Variants in LDB2 observed in about 807,000 individuals in gnomAD.
LDB2 encodes the protein LIM domain binding 2, also known as LIM domain-binding protein 2.
LDB2 carries 12 observed loss-of-function variants against 44.3 expected under a neutral mutation model. That is an observed-to-expected ratio of 0.27 (90% confidence interval 0.17 to 0.44). LDB2 has a LOEUF of 0.44. Among genes scored for constraint, LDB2 ranks in the 20% least tolerant of loss-of-function variants. The pLI is 1.00. For synonymous variants in LDB2, 164 were observed against 174.8 expected, an observed-to-expected ratio of 0.94 and a Z score of 0.49; for missense variants, 344 against 473.5, an observed-to-expected ratio of 0.73 and a Z score of 2.54.
At chr4:16,822,479 A>T (rs1303790691) in intron 1 of LDB2, among the ~76,000 whole-genome samples, 1 of 151,960 alleles carries the variant, frequency 6.6e-6, no homozygotes, top group Non-Finnish European at 1.5e-5. Flanking sequence ...CTCTCTACAT[A>T]ATCTTAGTTT....
At chr4:16,851,201 A>C (rs1231652753) in intron 1 of LDB2, among the ~76,000 whole-genome samples, 10 of 152,056 alleles carry the variant, frequency 6.6e-5, no homozygotes, top group African/African-American at 2.4e-4. Flanking sequence ...CAAGCTACCA[A>C]CAGGATATCA....
intron 5 of LDB2, among the ~76,000 whole-genome samples, chr4:16,529,156 G>C (rs1361113328): frequency 6.6e-6 from 1 of 152,126 alleles, no homozygotes; most frequent in African/African-American, 2.4e-5. Flanking sequence ...GGAAACCAGA[G>C]GGAATGAGTA....
intron 6 of LDB2, among the ~76,000 whole-genome samples, chr4:16,511,666 C>G (rs779964285): frequency 6.6e-6 from 1 of 152,106 alleles, no homozygotes; most frequent in Non-Finnish European, 1.5e-5. Context: ...GGAAGAACCA[C>G]TAGATTAGAA....
chr4:16,855,522 T>C (rs1283927082), intron 1 of LDB2, among the ~76,000 whole-genome samples: 1 of 152,150 alleles, frequency 6.6e-6, no homozygotes, highest in Non-Finnish European at 1.5e-5. Flanking sequence ...GAAAAGCAAC[T>C]CACAAATTAT....
At chr4:16,534,272 C>A (rs1731022769) in intron 5 of LDB2, among the ~76,000 whole-genome samples, 1 of 152,192 alleles carries the variant, frequency 6.6e-6, no homozygotes, top group Admixed American at 6.5e-5. Flanking sequence ...TCGATGTTCT[C>A]ATTTTATCTC....
chr4:16,723,306 G>T (rs1230601854), intron 2 of LDB2, among the ~76,000 whole-genome samples: 1 of 152,194 alleles, frequency 6.6e-6, no homozygotes, highest in Non-Finnish European at 1.5e-5. Flanking sequence ...CATGGTGCCA[G>T]CACCTGGTGA....
chr4:16,881,516 G>A (rs973863150), intron 1 of LDB2, among the ~76,000 whole-genome samples: 2 of 151,206 alleles, frequency 1.3e-5, no homozygotes, highest in Admixed American at 6.6e-5. Flanking sequence ...TCATCTTTAT[G>A]GATTTCTAAC....
chr4:16,779,257 G>A (rs57810877), intron 1 of LDB2, among the ~76,000 whole-genome samples: 5,802 of 152,248 alleles, frequency 0.038, 374 homozygotes, highest in African/African-American at 0.13. Context: ...GCTTTCCCCC[G>A]CTAAGTGCAC....
chr4:16,563,535 G>C (rs897282154), intron 5 of LDB2, among the ~76,000 whole-genome samples: 8 of 128,556 alleles, frequency 6.2e-5, no homozygotes, highest in African/African-American at 2.3e-4. Flanking sequence ...TGCAAACTCC[G>C]CCTCCCGGGT....
Position 16,589,145 on chromosome 4 carries a change from T to C in LDB2, c.409-313A>G, listed in dbSNP as rs943785186. 2.0e-5 allele frequency among the ~76,000 whole-genome samples: 3 copies of C among 152,212 alleles called. No homozygotes were observed. The East Asian group carries it at 5.8e-4, about 29-fold the overall frequency. The stretch of plus-strand genomic sequence containing the variant: ...GATAAAACCCATCTTATAGTGACAT[T>C]GGGTCAAAAAGTTTTCCTCCACTTT... On this transcript the variant is annotated intron_variant, in intron 3 of 7. Coordinates refer to ENST00000304523, the MANE Select transcript of LDB2 (RefSeq NM_001290.5).
At chr4:16,764,774 G>A (rs1169908112) in intron 1 of LDB2, among the ~76,000 whole-genome samples, 5 of 152,178 alleles carry the variant, frequency 3.3e-5, no homozygotes, top group African/African-American at 1.2e-4. Context: ...CCACAAAAAT[G>A]GCCCATTCTC....
At chr4:16,659,077 T>C (rs968378916) in intron 2 of LDB2, among the ~76,000 whole-genome samples, 2 of 152,198 alleles carry the variant, frequency 1.3e-5, no homozygotes, top group African/African-American at 2.4e-5. Context: ...CTTTGAAACA[T>C]GAATACGAGC....
intron 1 of LDB2, among the ~76,000 whole-genome samples, chr4:16,861,596 G>A (rs760784201): frequency 6.6e-4 from 100 of 152,126 alleles, no homozygotes; most frequent in African/African-American, 1.4e-3. Context: ...TAACCTTCTC[G>A]CCAGTCCCAG....
intron 1 of LDB2, among the ~76,000 whole-genome samples, chr4:16,897,537 T>A (rs898496962): frequency 5.3e-5 from 8 of 152,086 alleles, no homozygotes; most frequent in Non-Finnish European, 1.0e-4. Context: ...GTTCTGAAAG[T>A]CCTGTTCTCT....
intron 2 of LDB2, among the ~76,000 whole-genome samples, chr4:16,746,301 A>G (rs79152909): frequency 0.022 from 3,396 of 152,336 alleles, 55 homozygotes; most frequent in Non-Finnish European, 0.033. Flanking sequence ...AACACCAAGA[A>G]CCAACTACGT....
intron 5 of LDB2, among the ~76,000 whole-genome samples, chr4:16,529,969 A>C (rs1729585521): frequency 6.6e-6 from 1 of 152,154 alleles, no homozygotes; most frequent in Non-Finnish European, 1.5e-5. Flanking sequence ...ATTCATTGGA[A>C]ATGGCTGGTC....
chr4:16,891,304 CTTTTTTTT>C lies in LDB2; in HGVS notation c.132+7042_132+7049del, dbSNP rs559119712. 3.9e-5 allele frequency among the ~76,000 whole-genome samples: 3 copies of C among 77,550 alleles called. No individual in the cohort carries two copies. The East Asian group carries it at 1.2e-3, about 32-fold the overall frequency. 50.9% of individuals were successfully genotyped at this position (77,550 alleles called of 152,430 possible). On this transcript the variant is annotated intron_variant, in intron 1 of 7. Transcript: ENST00000304523. ...AGATAAAGTGGGAATCTTAAGTATT[CTTTTTTTT>C]TTTTTTTTTTTTTTTTTTGAGATGG...
chr4:16,670,849 G>A (rs1319862092), intron 2 of LDB2, among the ~76,000 whole-genome samples: 1 of 152,182 alleles, frequency 6.6e-6, no homozygotes, highest in East Asian at 1.9e-4. Context: ...ATTAGCTATT[G>A]TTATTTATTG....
intron 1 of LDB2, among the ~76,000 whole-genome samples, chr4:16,805,051 G>A (rs1778518316): frequency 6.6e-6 from 1 of 151,472 alleles, no homozygotes; most frequent in African/African-American, 2.4e-5. Context: ...GGAGAGAGAG[G>A]GGAAAAGAGA....
Sources: allele counts gnomAD v4.1 joint callset (sites outside exome capture counted in the v4.1 genomes callset), GRCh38; gene constraint gnomAD v4.1.1; transcripts MANE v1.5; gene names NCBI Gene and HGNC (gene_info 2026-07-23, HGNC 2026-07-21).